BLK: variants seen among roughly 807,000 people sequenced by gnomAD.
BLK encodes tyrosine-protein kinase Blk.
BLK carries 64 observed loss-of-function variants against 61.8 expected under a neutral mutation model. The ratio of observed to expected loss-of-function variants is 1.03; its 90% CI spans 0.85 to 1.27. The LOEUF (loss-of-function observed/expected upper bound fraction) is 1.27. BLK is among the 50% of genes most tolerant of loss of function. The probability of loss-of-function intolerance (pLI) is 0.00; values close to 1 mark genes in which losing one functional copy is unlikely to be tolerated. For missense variants in BLK, 853 were observed against 660.5 expected (o/e 1.29, Z -3.19); for synonymous variants, 351 against 272.0 (o/e 1.29, Z -2.86).
intron 1 of BLK, among the ~76,000 whole-genome samples, chr8:11,528,447 G>A (rs2252382): frequency 0.017 from 2,601 of 152,352 alleles, 44 homozygotes; most frequent in African/African-American, 0.045. Context: ...GATGGAGTCA[G>A]CCATGTCAGA....
intron 8 of BLK, chr8:11,556,369 G>T (rs1326121963): frequency 4.3e-6 from 2 of 466,816 alleles, no homozygotes; most frequent in East Asian, 4.2e-5. Context: ...AGGGGTGGGG[G>T]AAGGACACAG....
rs375173243 is a variant in BLK at position 11,546,082 on chromosome 8, C to A, written c.154C>A (p.Pro52Thr). Residue 52 changes from proline (P) to threonine (T), a missense_variant, in exon 3 of 13, where the codon CCC (proline) becomes ACC (threonine). Coordinates refer to ENST00000259089, the MANE Select transcript of BLK (RefSeq NM_001715.3). ...VVFNHLTPPPPDEHLDEDKHF... is the reference protein window; with the variant it reads ...VVFNHLTPPPTDEHLDEDKHF... ...CTTCAACCACCTTACTCCTCCACCG[C>A]CCGATGAACACCTGGATGAAGGTAA... is the stretch of plus-strand genomic sequence containing the variant. 1.9e-6 allele frequency: 3 copies of A among 1,614,100 alleles called. No homozygotes were observed. The highest frequency in any genetic ancestry group is 2.7e-5 in the African/African-American group (2 of 74,930).
chr8:11,514,390 G>A (rs1799141971), intron 1 of BLK, among the ~76,000 whole-genome samples: 1 of 152,252 alleles, frequency 6.6e-6, no homozygotes, highest in African/African-American at 2.4e-5. Flanking sequence ...CTAAACAAGG[G>A]TGTTTGCGGG....
intron 6 of BLK, chr8:11,552,346 G>A (rs1800942119): frequency 6.6e-6 from 1 of 152,174 alleles, no homozygotes; most frequent in African/African-American, 2.4e-5. Flanking sequence ...AGGATTTCTT[G>A]GAATATGCCA....
intron 1 of BLK, among the ~76,000 whole-genome samples, chr8:11,532,209 ATTTATTT>A (rs1188888983): frequency 9.2e-4 from 104 of 112,954 alleles, no homozygotes; most frequent in African/African-American, 3.1e-3. Context: ...TTATTTATTT[ATTTATTT>A]GAGACAAAAT....
chr8:11,510,930 C>T (rs188392199), intron 1 of BLK, among the ~76,000 whole-genome samples: 2 of 152,256 alleles, frequency 1.3e-5, no homozygotes, highest in East Asian at 1.9e-4. Context: ...TATGGCCGTC[C>T]GTGGTTCTTA....
intron 1 of BLK, among the ~76,000 whole-genome samples, chr8:11,518,699 T>G (rs1346995679): frequency 2.0e-5 from 3 of 152,080 alleles, no homozygotes; most frequent in Non-Finnish European, 2.9e-5. Context: ...AGCTCCTCCT[T>G]AAAACCATAC....
intron 1 of BLK, among the ~76,000 whole-genome samples, chr8:11,540,810 T>C (rs1800340408): frequency 1.3e-5 from 2 of 151,078 alleles, no homozygotes; most frequent in African/African-American, 2.4e-5. Flanking sequence ...CTATTTAGCC[T>C]GTGAGGAACA....
chr8:11,498,480 AT>A (rs1798437399), intron 1 of BLK, among the ~76,000 whole-genome samples: 1 of 152,248 alleles, frequency 6.6e-6, no homozygotes, highest in Non-Finnish European at 1.5e-5. Flanking sequence ...ACACAGTCAA[AT>A]ATCTAGGAAG....
intron 1 of BLK, among the ~76,000 whole-genome samples, chr8:11,535,594 C>G (rs1395544830): frequency 1.3e-5 from 2 of 152,226 alleles, no homozygotes; most frequent in Non-Finnish European, 2.9e-5. Flanking sequence ...TGTGGAAGGA[C>G]TGATGGAATC....
chr8:11,550,976 G>A (rs777499277), intron 6 of BLK, among the ~76,000 whole-genome samples: 7 of 152,204 alleles, frequency 4.6e-5, no homozygotes, highest in Non-Finnish European at 1.0e-4. Context: ...AGACCACCAG[G>A]AGCCCCCTCA....
intron 1 of BLK, among the ~76,000 whole-genome samples, chr8:11,540,729 G>A (rs2117432138): frequency 6.6e-6 from 1 of 152,034 alleles, no homozygotes; most frequent in East Asian, 1.9e-4. Flanking sequence ...TCCTATAGAA[G>A]AAATTGGAAA....
intron 1 of BLK, among the ~76,000 whole-genome samples, chr8:11,507,887 G>A (rs1037355997): frequency 1.3e-5 from 2 of 152,182 alleles, no homozygotes; most frequent in Non-Finnish European, 2.9e-5. Context: ...CTGTCTGGCT[G>A]GGTGACTTCC....
At chr8:11,519,620 C>A (rs964608219) in intron 1 of BLK, among the ~76,000 whole-genome samples, 1 of 152,184 alleles carries the variant, frequency 6.6e-6, no homozygotes, top group African/African-American at 2.4e-5. Context: ...GTGCCAGTCA[C>A]CACATCGAGA....
intron 9 of BLK, 44 bp from the exon 10 acceptor site, chr8:11,557,918 C>A: frequency 6.3e-7 from 1 of 1,580,216 alleles, no homozygotes; most frequent in Non-Finnish European, 8.7e-7. Flanking sequence ...CCACCAGGGG[C>A]GGGTCACTTT....
At chr8:11,530,054 G>T (rs1799824853) in intron 1 of BLK, among the ~76,000 whole-genome samples, 1 of 152,150 alleles carries the variant, frequency 6.6e-6, no homozygotes, top group Admixed American at 6.5e-5. Flanking sequence ...CTAAAGACAA[G>T]ACCAATTTAT....
At chr8:11,515,943 C>A (rs558848536) in intron 1 of BLK, among the ~76,000 whole-genome samples, 2 of 152,328 alleles carry the variant, frequency 1.3e-5, no homozygotes, top group East Asian at 1.9e-4. Flanking sequence ...CTTTGGGAGG[C>A]TTTTGTATCC....
chr8:11,551,711 C>T (rs1034228933), intron 6 of BLK, among the ~76,000 whole-genome samples: 2 of 152,154 alleles, frequency 1.3e-5, no homozygotes, highest in South Asian at 2.1e-4. Context: ...GCTGTTAATG[C>T]ATGTGTTGCA....
At chr8:11,540,769 C>T (rs150109069) in intron 1 of BLK, among the ~76,000 whole-genome samples, 2 of 151,768 alleles carry the variant, frequency 1.3e-5, no homozygotes, top group East Asian at 3.9e-4. Context: ...TTTGAAAGGG[C>T]CCCAGACACA....
Sources: gnomAD v4.1 joint callset for allele counts (sites outside exome capture counted in the v4.1 genomes callset) on GRCh38, gnomAD v4.1.1 for gene constraint, MANE v1.5 for transcripts, NCBI Gene and HGNC (gene_info 2026-07-23, HGNC 2026-07-21) for gene names.